The following LRP2 variants were observed in gnomAD, a reference collection of about 807,000 sequenced individuals.
LRP2 encodes LDL receptor related protein 2.
A neutral mutation model predicts 531.0 loss-of-function variants in LRP2; 172 were observed. The observed-to-expected ratio is 0.32, with a 90% confidence interval of 0.29 to 0.37. The LOEUF is 0.37. Ranked by LOEUF, LRP2 falls within the 10% of genes least tolerant of loss-of-function variation. The pLI is 1.00. For missense variants in LRP2, 5,167 were observed against 5,868.3 expected, an observed-to-expected ratio of 0.88 and a Z score of 3.90; for synonymous variants, 1,992 against 2,027.6, an observed-to-expected ratio of 0.98 and a Z score of 0.47.
chr2:169,277,522 G>A (rs1039037133), intron 13 of LRP2, among the ~76,000 whole-genome samples: 7 of 152,048 alleles, frequency 4.6e-5, no homozygotes, highest in Non-Finnish European at 8.8e-5. Context: ...AATGCTGGAG[G>A]TTATATTTAA....
chr2:169,307,720 C>G (rs906598010), intron 3 of LRP2, among the ~76,000 whole-genome samples: 3 of 151,890 alleles, frequency 2.0e-5, no homozygotes, highest in African/African-American at 7.3e-5. Flanking sequence ...AACCAAGGAC[C>G]CCCAACCCAC....
At chr2:169,134,199 G>C (rs535462261) in intron 76 of LRP2, among the ~76,000 whole-genome samples, 1 of 131,260 alleles carries the variant, frequency 7.6e-6, no homozygotes, top group South Asian at 2.6e-4. Context: ...TGCAGCGGCT[G>C]CCACTGCTTT....
rs145954816 is a variant in LRP2, at chr2:169,161,828, G to A, written c.11887+644C>T. On this transcript the variant is annotated intron_variant, in intron 63 of 78. Transcript: ENST00000649046. ...TGTCCCTTCCCAGGTCCCCTGTGGC[G>A]TTCCCTTCTTGATCAAACACCCTCA... is the stretch of plus-strand genomic sequence containing the variant. Among the ~76,000 whole-genome samples, 142 of 152,224 alleles carry A rather than the reference G, an allele frequency of 9.3e-4. 1 individual carries two copies. The highest frequency in any genetic ancestry group is 2.8e-3 in the African/African-American group (118 of 41,524).
intron 48 of LRP2, among the ~76,000 whole-genome samples, chr2:169,188,751 C>T (rs752470865): frequency 6.6e-6 from 1 of 152,060 alleles, no homozygotes; most frequent in South Asian, 2.1e-4. Flanking sequence ...GATAAAAGTG[C>T]CCATACCCAA....
chr2:169,213,883 A>G lies in LRP2; in HGVS notation c.5827-13T>C. 2 of 1,586,778 alleles carry G rather than the reference A, an allele frequency of 1.3e-6. No homozygotes were observed. The highest frequency in any genetic ancestry group is 1.7e-6 in the Non-Finnish European group (2 of 1,155,666). On this transcript the variant is annotated splice_polypyrimidine_tract_variant and intron_variant, in intron 35 of 78. Coordinates refer to ENST00000649046, the MANE Select transcript of LRP2 (RefSeq NM_004525.3). Reference sequence around the variant, plus strand: ...TTCCTCTTTCAATCTAAAGGATTGGAATTTTCATTAGTTTCATGGATTCAT... The same window carrying G: ...TTCCTCTTTCAATCTAAAGGATTGGGATTTTCATTAGTTTCATGGATTCAT...
At chr2:169,155,775 T>C (rs1367870121) in intron 65 of LRP2, among the ~76,000 whole-genome samples, 3 of 152,180 alleles carry the variant, frequency 2.0e-5, no homozygotes, top group Non-Finnish European at 2.9e-5. Flanking sequence ...TTTCTGCCTG[T>C]GATCAGTAGT....
At chr2:169,162,752 C>T in intron 62 of LRP2, 152 bp from the exon 63 acceptor site, 1 of 787,530 alleles carries the variant, frequency 1.3e-6, no homozygotes, top group Admixed American at 2.0e-5. Flanking sequence ...ACCATGTGAC[C>T]AGTTCTAGCC....
At chr2:169,331,522 C>T (rs1264475108) in intron 1 of LRP2, among the ~76,000 whole-genome samples, 1 of 152,168 alleles carries the variant, frequency 6.6e-6, no homozygotes, top group East Asian at 1.9e-4. Context: ...ACCTTCCCTA[C>T]ACGTGGAAGG....
chr2:169,225,573 G>A (rs1489856909), intron 32 of LRP2, 120 bp from the exon 33 acceptor site: 1 of 1,194,802 alleles, frequency 8.4e-7, no homozygotes, highest in Non-Finnish European at 1.2e-6. Flanking sequence ...TACACTCAGA[G>A]GAAAGGCAAA....
Position 169,172,046 on chromosome 2 carries a change from G to A in LRP2, c.11232C>T (p.Asp3744=), listed in dbSNP as rs1687025207. ...TTTCCTCATCTGAGTTATCTCCACA[G>A]TCATTTTGCCCATCACACTGCCAAC... ...PLRWQCDGQN[D]CGDNSDEENC... The change falls in exon 58 of 79, where the codon GAC becomes GAT. Residue 3744 remains aspartate (D), a synonymous_variant. Coordinates refer to ENST00000649046, the MANE Select transcript of LRP2 (RefSeq NM_004525.3). 1 of 1,614,178 alleles carries A rather than the reference G, an allele frequency of 6.2e-7. No individual in the cohort carries two copies. The highest frequency in any genetic ancestry group is 1.3e-5 in the African/African-American group (1 of 75,058).
At chr2:169,329,658 C>A (rs1324622094) in intron 1 of LRP2, among the ~76,000 whole-genome samples, 1 of 152,190 alleles carries the variant, frequency 6.6e-6, no homozygotes, top group Non-Finnish European at 1.5e-5. Flanking sequence ...CCACTTCAAT[C>A]CCCAGAACCT....
intron 76 of LRP2, among the ~76,000 whole-genome samples, chr2:169,134,690 A>T (rs1340376421): frequency 6.6e-6 from 1 of 152,164 alleles, no homozygotes; most frequent in Non-Finnish European, 1.5e-5. Context: ...TTGCAAAGGG[A>T]CTACATGTCA....
At chr2:169,319,809 G>A (rs1170318468) in intron 2 of LRP2, among the ~76,000 whole-genome samples, 1 of 152,190 alleles carries the variant, frequency 6.6e-6, no homozygotes, top group African/African-American at 2.4e-5. Flanking sequence ...ACTTTAATGA[G>A]CTCCTGGGTG....
At chr2:169,285,564 C>T (rs536498290) in intron 9 of LRP2, among the ~76,000 whole-genome samples, 1 of 152,204 alleles carries the variant, frequency 6.6e-6, no homozygotes, top group South Asian at 2.1e-4. Flanking sequence ...TCTTTGTCTC[C>T]TCCCACCAAC....
rs1689675868 is a variant in LRP2, at chr2:169,238,218, G to A, written c.4379C>T (p.Ser1460Leu). The change falls in exon 27 of 79, where the codon TCA becomes TTA. Residue 1460 changes from serine to leucine, a missense_variant. Ser to Leu is a moderately radical substitution (Grantham distance 145). Transcript: ENST00000649046. ...SVTSQVHNIY[S>L]LVENGSYIVA... The stretch of plus-strand genomic sequence containing the variant: ...AATGTAAGAACCATTCTCGACCAAT[G>A]AATAGATATTGTGGACCTGGGAGGT... 1.9e-6 allele frequency: 3 copies of A among 1,614,108 alleles called. No individual in the cohort carries two copies. Among genetic ancestry groups the A allele is most frequent in the Middle Eastern group, 1.6e-4 (1 of 6,062 alleles).
At chr2:169,274,232 C>T (rs751374552) in intron 14 of LRP2, among the ~76,000 whole-genome samples, 29 of 152,070 alleles carry the variant, frequency 1.9e-4, no homozygotes, top group Non-Finnish European at 4.0e-4. Context: ...CAGAAAAGAG[C>T]TATATACAGT....
chr2:169,220,598 CA>C, intron 33 of LRP2, 35 bp from the exon 34 acceptor site: 1 of 1,429,258 alleles, frequency 7.0e-7, no homozygotes, highest in Non-Finnish European at 9.8e-7. Flanking sequence ...AACTGACTTT[CA>C]TAAGGGGAAC....
At position 169,198,878 on chromosome 2, in the gene LRP2, C is replaced by A; in HGVS notation, c.8486G>T (p.Cys2829Phe). The A allele has an allele frequency of 1.2e-6, 2 of 1,613,790 alleles. No individual in the cohort carries two copies. Among genetic ancestry groups the A allele is most frequent in the Non-Finnish European group, 1.7e-6 (2 of 1,179,784 alleles). ...DRTCQSGYTKCHNSNICIPRV... is the reference protein window; with the variant it reads ...DRTCQSGYTKFHNSNICIPRV... ...AGGAATACAAATATTTGAATTATGACATTTTGTGTATCCAGACTGGCAAGT... is the reference window on the plus strand; with the variant it reads ...AGGAATACAAATATTTGAATTATGAAATTTTGTGTATCCAGACTGGCAAGT... The change falls in exon 45 of 79, where the codon TGT becomes TTT. Residue 2829 changes from cysteine to phenylalanine, a missense_variant. Transcript: ENST00000649046.
chr2:169,161,682 C>T (rs1686592714), intron 63 of LRP2, among the ~76,000 whole-genome samples: 1 of 152,148 alleles, frequency 6.6e-6, no homozygotes, highest in African/African-American at 2.4e-5. Flanking sequence ...CCATGCTGCC[C>T]AGGCTGTTCC....
Sources: gnomAD v4.1 joint callset for allele counts (sites outside exome capture counted in the v4.1 genomes callset) on GRCh38, gnomAD v4.1.1 for gene constraint, MANE v1.5 for transcripts, NCBI Gene and HGNC (gene_info 2026-07-23, HGNC 2026-07-21) for gene names.